The following PPP2R2D variants were observed in gnomAD, a reference collection of about 807,000 sequenced individuals.
PPP2R2D encodes the protein protein phosphatase 2 regulatory subunit Bdelta.
PPP2R2D carries 9 observed loss-of-function variants against 31.1 expected under a neutral mutation model. The ratio of observed to expected loss-of-function variants is 0.29; its 90% CI spans 0.17 to 0.51. PPP2R2D has a LOEUF of 0.51. Ranked by LOEUF, PPP2R2D falls within the 20% of genes least tolerant of loss-of-function variation. The pLI, the probability that PPP2R2D is intolerant of heterozygous loss-of-function variation, is 0.98. For synonymous variants in PPP2R2D, 179 were observed against 172.6 expected (o/e 1.04, Z -0.29); for missense variants, 391 against 465.6 (o/e 0.84, Z 1.48).
rs1195044676 is a variant in PPP2R2D, at chr10:131,901,164, T to C, written c.7+9T>C. The C allele has an allele frequency of 0.7, 211,194 of 301,878 alleles. 74,614 individuals carry two copies. Among genetic ancestry groups the C allele is most frequent in the African/African-American group, 0.85 (37,840 of 44,662 alleles). The allele number at this position is 301,878 out of a possible 1,614,324, so 18.7% of individuals were successfully genotyped here. A position where few individuals can be genotyped will look rare whatever the true frequency, so the allele number is the denominator to read the frequency against. On this transcript the variant is annotated intron_variant, in intron 1 of 8. Coordinates refer to ENST00000455566, the MANE Select transcript of PPP2R2D (RefSeq NM_018461.5). ...GCCGGCTGCCATGGCAGGTGAGGGG[T>C]CTGCGCGGGCCGGCGGGGACCACGG...
chr10:131,909,617 A>G (rs1359271124), intron 2 of PPP2R2D, among the ~76,000 whole-genome samples: 3 of 152,172 alleles, frequency 2.0e-5, no homozygotes, highest in African/African-American at 4.8e-5. Flanking sequence ...CCCTGCTTCC[A>G]CAGGAGCATG....
chr10:131,923,054 C>T lies in PPP2R2D; in HGVS notation c.101-11404C>T, dbSNP rs148140873. ...CAGAGCTCATCCTTTGTGAAGTGTG[C>T]GGGTGAATATTCAGTTTTGTGGCCA... On this transcript the variant is annotated intron_variant, in intron 2 of 8. Transcript: ENST00000455566. 1.6e-4 allele frequency among the ~76,000 whole-genome samples: 25 copies of T among 152,228 alleles called. No individual in the cohort carries two copies. In the East Asian group the frequency reaches 3.9e-3, roughly 24 times the overall value.
downstream of PPP2R2D, among the ~76,000 whole-genome samples, chr10:131,961,254 AAGCCAAGTTC>A (rs1554901425): frequency 6.6e-6 from 1 of 152,118 alleles, no homozygotes; most frequent in African/African-American, 2.4e-5. Flanking sequence ...CTGCCTGCCA[AAGCCAAGTTC>A]AGCAGTCCCC....
At chr10:131,948,175 A>G (rs2036576003) in intron 8 of PPP2R2D, among the ~76,000 whole-genome samples, 1 of 152,202 alleles carries the variant, frequency 6.6e-6, no homozygotes, top group Admixed American at 6.5e-5. Context: ...TCTGGAGAGA[A>G]GTAGATGAAA....
intron 2 of PPP2R2D, among the ~76,000 whole-genome samples, chr10:131,913,769 T>A (rs2035724118): frequency 6.6e-6 from 1 of 152,142 alleles, no homozygotes; most frequent in Admixed American, 6.5e-5. Context: ...GTGTGGACTG[T>A]CAGGAGTTTA....
At chr10:131,964,383 G>C (rs1157713644), downstream of PPP2R2D, among the ~76,000 whole-genome samples, 1 of 151,628 alleles carries the variant, frequency 6.6e-6, no homozygotes, top group African/African-American at 2.4e-5. Context: ...CCGGGACCCA[G>C]GGCTGGCCGT....
chr10:131,919,118 G>GTCTT, intron 2 of PPP2R2D, among the ~76,000 whole-genome samples: 1 of 124,902 alleles, frequency 8.0e-6, no homozygotes, highest in South Asian at 2.9e-4. Flanking sequence ...TGGAATGACA[G>GTCTT]TGTAGGGACC....
chr10:131,936,187 A>T (rs781856179), intron 3 of PPP2R2D, among the ~76,000 whole-genome samples: 1 of 151,282 alleles, frequency 6.6e-6, no homozygotes, highest in Non-Finnish European at 1.5e-5. Context: ...TTGCTCTGTC[A>T]CCTGGGCTGG....
chr10:131,952,245 G>T lies in PPP2R2D; in HGVS notation c.1083-3439G>T, dbSNP rs1367270518. Reference sequence around the variant, plus strand: ...GGTTCACTGTCTTAGCAGTGACTTGGGGGGTCCCTGTCTTAGCAGTGACTT... The same window carrying T: ...GGTTCACTGTCTTAGCAGTGACTTGTGGGGTCCCTGTCTTAGCAGTGACTT... On this transcript the variant is annotated intron_variant, in intron 8 of 8. Coordinates refer to ENST00000455566, the MANE Select transcript of PPP2R2D (RefSeq NM_018461.5). Among the ~76,000 whole-genome samples the T allele has an allele frequency of 4.0e-4, 41 of 102,906 alleles. 1 individual carries two copies. The highest frequency in any genetic ancestry group is 1.3e-3 in the African/African-American group (33 of 25,730). 67.5% of individuals were successfully genotyped at this position (102,906 alleles called of 152,430 possible).
intron 2 of PPP2R2D, among the ~76,000 whole-genome samples, chr10:131,906,189 A>G (rs1040827771): frequency 2.6e-5 from 4 of 152,196 alleles, no homozygotes; most frequent in Non-Finnish European, 4.4e-5. Flanking sequence ...TCCTTTATAT[A>G]TTACACTAAT....
At chr10:131,927,652 C>CG (rs1241157577) in intron 2 of PPP2R2D, among the ~76,000 whole-genome samples, 1 of 152,166 alleles carries the variant, frequency 6.6e-6, no homozygotes, top group African/African-American at 2.4e-5. Flanking sequence ...TCCCTCCCTC[C>CG]GGGGCAGCTC....
At position 131,957,546 on chromosome 10, in the gene PPP2R2D, TGCCCCTGTGGAGATGAAGGTGC is replaced by T; in HGVS notation, c.*1585_*1606del. 3 of 179,130 alleles carry T rather than the reference TGCCCCTGTGGAGATGAAGGTGC, an allele frequency of 1.7e-5. No homozygotes were observed. The highest frequency in any genetic ancestry group is 2.6e-5 in the African/African-American group (1 of 39,080). 11.1% of individuals were successfully genotyped at this position (179,130 alleles called of 1,614,324 possible). A position where few individuals can be genotyped will look rare whatever the true frequency, so the allele number is the denominator to read the frequency against. On this transcript the variant is annotated 3_prime_UTR_variant, in exon 9 of 9. Coordinates refer to ENST00000455566, the MANE Select transcript of PPP2R2D (RefSeq NM_018461.5). ...GATGAAGGTGTGTGCTGATCCCCCG[TGCCCCTGTGGAGATGAAGGTGC>T]GTGCTGATCCCCCATCTCCCTGTGG...
chr10:131,946,395 C>T (rs532725032), intron 7 of PPP2R2D, among the ~76,000 whole-genome samples: 6 of 152,254 alleles, frequency 3.9e-5, no homozygotes, highest in East Asian at 3.9e-4. Flanking sequence ...ATGGGGAAGC[C>T]GCCAGTCAAT....
chr10:131,901,020 CCGGCGGCGG>C lies in PPP2R2D; in HGVS notation c.-111_-103del, dbSNP rs1229531944. Reference sequence around the variant, plus strand: ...TTTGAAAAGGGAAAAAAATCCCTCCCCGGCGGCGGCGGCGGCGGCGGCGGCGCCGGCGGT... The same window carrying C: ...TTTGAAAAGGGAAAAAAATCCCTCCCCGGCGGCGGCGGCGGCGCCGGCGGT... On this transcript the variant is annotated 5_prime_UTR_variant, in exon 1 of 9. Coordinates refer to ENST00000455566, the MANE Select transcript of PPP2R2D (RefSeq NM_018461.5). 2,288 of 154,088 alleles carry C rather than the reference CCGGCGGCGG, an allele frequency of 0.015. 66 individuals are homozygous for C. The highest frequency in any genetic ancestry group is 0.05 in the African/African-American group (2,033 of 40,348). The allele number at this position is 154,088 out of a possible 1,614,324, so 9.5% of individuals were successfully genotyped here.
intron 8 of PPP2R2D, among the ~76,000 whole-genome samples, chr10:131,948,492 A>G (rs1374023279): frequency 1.3e-5 from 2 of 152,264 alleles, no homozygotes; most frequent in African/African-American, 2.4e-5. Flanking sequence ...ACCCTCTGGC[A>G]TAAACACCTA....
intron 7 of PPP2R2D, among the ~76,000 whole-genome samples, chr10:131,946,192 T>G (rs889491375): frequency 6.6e-6 from 1 of 152,254 alleles, no homozygotes; most frequent in Non-Finnish European, 1.5e-5. Flanking sequence ...TAGCTGAAAG[T>G]CTAGCATTTT....
chr10:131,905,157 G>C (rs2035562578), intron 2 of PPP2R2D, among the ~76,000 whole-genome samples: 1 of 152,190 alleles, frequency 6.6e-6, no homozygotes, highest in Non-Finnish European at 1.5e-5. Context: ...GCAGCAGTCA[G>C]TGGTGACTTG....
Position 131,947,405 on chromosome 10 carries a change from G to C in PPP2R2D, c.821-125G>C. 1.1e-6 allele frequency: 1 copy of C among 932,822 alleles called. No individual in the cohort carries two copies. The highest frequency in any genetic ancestry group is 1.6e-6 in the Non-Finnish European group (1 of 637,758). 57.8% of individuals were successfully genotyped at this position (932,822 alleles called of 1,614,324 possible). ...ACCTAGAGAATCAGAAAGATCAGAA[G>C]ACCTAGTGTTGAGGCCAAGCCCTTC... On this transcript the variant is annotated intron_variant, in intron 7 of 8. Coordinates refer to ENST00000455566, the MANE Select transcript of PPP2R2D (RefSeq NM_018461.5). The surrounding 1 kb of genome is among the most constrained non-coding windows in gnomAD (Gnocchi z 4.3).
intron 8 of PPP2R2D, among the ~76,000 whole-genome samples, chr10:131,954,025 A>G (rs11146325): frequency 0.28 from 42,458 of 152,048 alleles, 6,045 homozygotes; most frequent in East Asian, 0.44. Flanking sequence ...GCCTCAGCCC[A>G]ATCCTGATTC....
Sources: gnomAD v4.1 joint callset for allele counts (sites outside exome capture counted in the v4.1 genomes callset) on GRCh38, gnomAD v4.1.1 for gene constraint, Gnocchi (gnomAD v3.1) non-coding constraint, MANE v1.5 for transcripts, NCBI Gene and HGNC (gene_info 2026-07-23, HGNC 2026-07-21) for gene names.